Variants in ATXN2 observed in about 807,000 individuals in gnomAD.
ATXN2 encodes ataxin 2, also known as ataxin-2.
ATXN2 carries 37 observed loss-of-function variants against 138.6 expected under a neutral mutation model. The observed-to-expected ratio is 0.27, with a 90% confidence interval of 0.21 to 0.35. The LOEUF (loss-of-function observed/expected upper bound fraction) is 0.35, where lower values mean the gene tolerates loss of function less well. Among genes scored for constraint, ATXN2 ranks in the 10% least tolerant of loss-of-function variants. ATXN2 has a pLI of 1.00. For synonymous variants in ATXN2, 549 were observed against 543.7 expected, an observed-to-expected ratio of 1.01 and a Z score of -0.13; for missense variants, 1,216 against 1,480.3, an observed-to-expected ratio of 0.82 and a Z score of 2.93.
At chr12:111,454,889 A>C in intron 23 of ATXN2, 2 of 596,172 alleles carry the variant, frequency 3.4e-6, no homozygotes. Context: ...GCTCTTATGA[A>C]GCTGACTCCA....
At chr12:111,459,381 T>C (rs368123532) in intron 21 of ATXN2, among the ~76,000 whole-genome samples, 3 of 152,346 alleles carry the variant, frequency 2.0e-5, no homozygotes, top group African/African-American at 4.8e-5. Context: ...AAAGATTTGA[T>C]GTAAATTTCG....
chr12:111,455,615 G>A (rs1593090305), intron 23 of ATXN2: 3 of 307,252 alleles, frequency 9.8e-6, no homozygotes, highest in Admixed American at 8.8e-5. Context: ...GACAGGCCCC[G>A]GTAGTCACTT....
In ATXN2 at chr12:111,481,330, A is replaced by G. The variant is rs1592814838; in HGVS notation, c.2524+3935T>C. On this transcript the variant is annotated intron_variant, in intron 18 of 24. Coordinates refer to ENST00000673436, the MANE Select transcript of ATXN2 (RefSeq NM_001372574.1). ...TGTGGTGGCGTATGCCTGCAGCCCC[A>G]GCTATCTGGGAGGGTGAGGCAGGAG... 5.9e-5 allele frequency among the ~76,000 whole-genome samples: 9 copies of G among 152,304 alleles called. No homozygotes were observed. In the South Asian group the frequency reaches 1.9e-3, roughly 32 times the overall value.
chr12:111,554,728 T>G (rs1377731142), intron 2 of ATXN2, among the ~76,000 whole-genome samples: 1 of 152,086 alleles, frequency 6.6e-6, no homozygotes, highest in African/African-American at 2.4e-5. Context: ...TTTGAGGGAT[T>G]TTGGTGGGCA....
Position 111,452,625 on chromosome 12 carries a change from T to C in ATXN2, c.*187A>G. 1.5e-6 allele frequency: 1 copy of C among 658,446 alleles called. No homozygotes were observed. Among genetic ancestry groups the C allele is most frequent in the Non-Finnish European group, 2.6e-6 (1 of 383,486 alleles). 40.8% of individuals were successfully genotyped at this position (658,446 alleles called of 1,614,324 possible). A position where few individuals can be genotyped will look rare whatever the true frequency, so the allele number is the denominator to read the frequency against. ...ATGGAATAGCCCCCAAGTTCCTAAA[T>C]GCCTCTACTCGGTCCAAGTATCTTC... On this transcript the variant is annotated 3_prime_UTR_variant, in exon 25 of 25. Coordinates refer to ENST00000673436, the MANE Select transcript of ATXN2 (RefSeq NM_001372574.1).
At chr12:111,494,241 T>G (rs1182363491) in intron 14 of ATXN2, among the ~76,000 whole-genome samples, 1 of 151,886 alleles carries the variant, frequency 6.6e-6, no homozygotes, top group Non-Finnish European at 1.5e-5. Flanking sequence ...ATAACTACAG[T>G]TTTTTAAGAC....
chr12:111,558,753 T>C (rs655107), intron 1 of ATXN2, among the ~76,000 whole-genome samples: 30,851 of 152,048 alleles, frequency 0.2, 3,234 homozygotes, highest in East Asian at 0.33. Flanking sequence ...GCTGTGATTA[T>C]GCCACTGCAC....
chr12:111,513,435 G>T lies in ATXN2; in HGVS notation c.1480C>A (p.Pro494Thr). The change falls in exon 11 of 25, where the codon CCA becomes ACA. Residue 494 changes from proline to threonine, a missense_variant. By Grantham distance (38) the Pro-to-Thr change is conservative (BLOSUM62 -1). This residue lies in a region of ATXN2 where 215 missense variants were observed against 210.0 expected (regional missense o/e 1.02). Coordinates refer to ENST00000673436, the MANE Select transcript of ATXN2 (RefSeq NM_001372574.1). ...SSGLEFVSHN[P>T]PSEAATPPVA... The stretch of plus-strand genomic sequence containing the variant: ...GGAGGAGTAGCTGCTTCACTGGGTG[G>T]GTTGTGGGATACAAATTCTAGGCCA... 2 of 1,614,018 alleles carry T rather than the reference G, an allele frequency of 1.2e-6. No individual in the cohort carries two copies. Among genetic ancestry groups the T allele is most frequent in the Non-Finnish European group, 1.7e-6 (2 of 1,180,012 alleles).
At position 111,552,460 on chromosome 12, in the gene ATXN2, A is replaced by G; in HGVS notation, c.421-30T>C. The G allele has an allele frequency of 6.4e-7, 1 of 1,571,854 alleles. No homozygotes were observed. Among genetic ancestry groups the G allele is most frequent in the South Asian group, 1.2e-5 (1 of 84,372 alleles). On this transcript the variant is annotated intron_variant, in intron 4 of 24. Transcript: ENST00000673436. This position sits in a 1 kb window ranked among gnomAD's most constrained non-coding sequence, Gnocchi z 4.1. ...AATGAAAAACACAAGTAAGTACTCCAAACCTTTACAAAATAAAATTTGTTA... is the reference window on the plus strand; with the variant it reads ...AATGAAAAACACAAGTAAGTACTCCGAACCTTTACAAAATAAAATTTGTTA...
intron 18 of ATXN2, among the ~76,000 whole-genome samples, chr12:111,473,528 G>C (rs2135678557): frequency 6.6e-6 from 1 of 152,226 alleles, no homozygotes; most frequent in Admixed American, 6.5e-5. Flanking sequence ...AATTGAAGAA[G>C]GGATGAAAGG....
chr12:111,488,876 T>C, intron 14 of ATXN2, 96 bp from the exon 15 acceptor site: 3 of 1,017,556 alleles, frequency 2.9e-6, no homozygotes, highest in Non-Finnish European at 4.2e-6. Flanking sequence ...ACTATACGCA[T>C]GAAATGTTCT....
intron 5 of ATXN2, among the ~76,000 whole-genome samples, chr12:111,537,313 G>T (rs1378462943): frequency 6.6e-6 from 1 of 152,044 alleles, no homozygotes; most frequent in Non-Finnish European, 1.5e-5. Flanking sequence ...GGCCAGATGC[G>T]GTGGCTCATG....
Position 111,552,876 on chromosome 12 carries a change from T to C in ATXN2, c.420+30A>G. On this transcript the variant is annotated intron_variant, in intron 4 of 24. Coordinates refer to ENST00000673436, the MANE Select transcript of ATXN2 (RefSeq NM_001372574.1). This position sits in a 1 kb window ranked among gnomAD's most constrained non-coding sequence, Gnocchi z 4.1. ...TGACTATGAAAATGTTCTTTTACTTTGTAAGAAAAAGAAAAAAAGTAAAAA... is the reference window on the plus strand; with the variant it reads ...TGACTATGAAAATGTTCTTTTACTTCGTAAGAAAAAGAAAAAAAGTAAAAA... The C allele has an allele frequency of 1.4e-6, 2 of 1,421,332 alleles. No individual in the cohort carries two copies. Among genetic ancestry groups the C allele is most frequent in the South Asian group, 1.3e-5 (1 of 77,264 alleles). The allele number at this position is 1,421,332 out of a possible 1,614,324, so 88.0% of individuals were successfully genotyped here.
At chr12:111,570,680 ATTAT>A (rs2135812850) in intron 1 of ATXN2, among the ~76,000 whole-genome samples, 1 of 152,138 alleles carries the variant, frequency 6.6e-6, no homozygotes, top group East Asian at 1.9e-4. Context: ...CTCAACTCTC[ATTAT>A]TTTGAAGCCC....
chr12:111,464,606 C>G lies in ATXN2; in HGVS notation c.2896+56G>C, dbSNP rs12299425. On this transcript the variant is annotated intron_variant, in intron 21 of 24. Coordinates refer to ENST00000673436, the MANE Select transcript of ATXN2 (RefSeq NM_001372574.1). ...ACAAGTCTACTCCCTTAACATGTAT[C>G]CTTTAAAAAGTGTTTTACTGTACAA... 29,815 of 1,403,580 alleles carry G rather than the reference C, an allele frequency of 0.021. 4,738 individuals carry two copies. The African/African-American group carries it at 0.36, about 17-fold the overall frequency. The allele number at this position is 1,403,580 out of a possible 1,614,324, so 86.9% of individuals were successfully genotyped here. A position where few individuals can be genotyped will look rare whatever the true frequency, so the allele number is the denominator to read the frequency against.
chr12:111,507,672 T>C (rs868128369), intron 14 of ATXN2, among the ~76,000 whole-genome samples: 1 of 152,044 alleles, frequency 6.6e-6, no homozygotes, highest in Admixed American at 6.5e-5. Flanking sequence ...CCCAACAGCT[T>C]ATTGAGAACG....
intron 5 of ATXN2, among the ~76,000 whole-genome samples, chr12:111,544,502 G>A (rs1014141050): frequency 6.6e-6 from 1 of 152,174 alleles, no homozygotes; most frequent in South Asian, 2.1e-4. Flanking sequence ...AGCTCAAACT[G>A]TAACAGGGGA....
chr12:111,588,190 A>AATAAATAC (rs1232472714), intron 1 of ATXN2, among the ~76,000 whole-genome samples: 1 of 144,076 alleles, frequency 6.9e-6, no homozygotes, highest in African/African-American at 2.7e-5. Flanking sequence ...CTATCACAAA[A>AATAAATAC]ATAAATAAAT....
intron 5 of ATXN2, among the ~76,000 whole-genome samples, chr12:111,549,693 A>G (rs1299911392): frequency 6.6e-6 from 1 of 152,232 alleles, no homozygotes; most frequent in Non-Finnish European, 1.5e-5. Flanking sequence ...TGTCCTAAAC[A>G]CATGACTTAA....
Sources: gnomAD v4.1 joint callset for allele counts (sites outside exome capture counted in the v4.1 genomes callset) on GRCh38, gnomAD v4.1.1 for gene constraint, gnomAD v4.1.1 regional missense constraint, Gnocchi (gnomAD v3.1) non-coding constraint, MANE v1.5 for transcripts, NCBI Gene and HGNC (gene_info 2026-07-23, HGNC 2026-07-21) for gene names.